The following GC variants were observed in gnomAD, a reference collection of about 807,000 sequenced individuals.
GC encodes the protein vitamin D-binding protein.
A neutral mutation model predicts 56.7 loss-of-function variants in GC; 43 were observed. That is an observed-to-expected ratio of 0.76 (90% confidence interval 0.59 to 0.98). The LOEUF is 0.98. Ranked by LOEUF, GC falls within the 50% of genes least tolerant of loss-of-function variation. The pLI, the probability that GC is intolerant of heterozygous loss-of-function variation, is 0.00. For synonymous variants in GC, 216 were observed against 202.7 expected (o/e 1.07, Z -0.56); for missense variants, 529 against 545.9 (o/e 0.97, Z 0.31).
At chr4:71,781,452 G>A (rs1018955666) in intron 1 of GC, among the ~76,000 whole-genome samples, 14 of 151,754 alleles carry the variant, frequency 9.2e-5, no homozygotes, top group African/African-American at 2.9e-4. Context: ...AATATTTTTA[G>A]TGCTCTGTTA....
intron 1 of GC, among the ~76,000 whole-genome samples, chr4:71,770,823 C>T (rs139587502): frequency 6.6e-6 from 1 of 152,286 alleles, no homozygotes; most frequent in East Asian, 1.9e-4. Flanking sequence ...TGTAACTAGC[C>T]ATTCTCATGA....
chr4:71,741,932 A>C, intron 12 of GC, 62 bp from the exon 13 acceptor site: 1 of 702,562 alleles, frequency 1.4e-6, no homozygotes, highest in Middle Eastern at 2.3e-4. Context: ...AACAACCATA[A>C]TATTGCTCAA....
At chr4:71,753,934 T>A (rs1303349505) in intron 10 of GC, among the ~76,000 whole-genome samples, 2 of 152,186 alleles carry the variant, frequency 1.3e-5, no homozygotes, top group Non-Finnish European at 2.9e-5. Context: ...CTCAAGTTCC[T>A]GCAGATAGAT....
At chr4:71,745,124 T>C (rs1446472344) in intron 12 of GC, among the ~76,000 whole-genome samples, 1 of 152,184 alleles carries the variant, frequency 6.6e-6, no homozygotes, top group Admixed American at 6.6e-5. Flanking sequence ...ATCACCTCAA[T>C]CATTGTAACA....
intron 1 of GC, among the ~76,000 whole-genome samples, chr4:71,783,210 A>T (rs1263031072): frequency 6.6e-6 from 1 of 151,776 alleles, no homozygotes; most frequent in Non-Finnish European, 1.5e-5. Flanking sequence ...ATAAATGCAG[A>T]TGTCCCTTGT....
rs948425200 is a variant in GC, at chr4:71,741,891, A to G, written c.*26-21T>C. The G allele has an allele frequency of 1.6e-5, 11 of 702,822 alleles. No homozygotes were observed. The African/African-American group carries it at 1.9e-4, about 12-fold the overall frequency. The allele number at this position is 702,822 out of a possible 1,614,324, so 43.5% of individuals were successfully genotyped here. A position where few individuals can be genotyped will look rare whatever the true frequency, so the allele number is the denominator to read the frequency against. On this transcript the variant is annotated intron_variant, in intron 12 of 12. Coordinates refer to ENST00000273951, the MANE Select transcript of GC (RefSeq NM_000583.4). The stretch of plus-strand genomic sequence containing the variant: ...CTGGTCTATGAGAATAATGAAATGA[A>G]TTTTATGTTAGAAAAACAGAGCTAA...
chr4:71,752,091 T>C (rs1741575117), intron 11 of GC, among the ~76,000 whole-genome samples: 2 of 152,118 alleles, frequency 1.3e-5, no homozygotes, highest in Admixed American at 6.5e-5. Context: ...TGTATGTATC[T>C]ACATAAACAC....
chr4:71,780,286 A>G (rs1254776591), intron 1 of GC, among the ~76,000 whole-genome samples: 1 of 152,158 alleles, frequency 6.6e-6, no homozygotes, highest in African/African-American at 2.4e-5. Flanking sequence ...AAACCCTAGA[A>G]GAAAACCTAG....
intron 1 of GC, among the ~76,000 whole-genome samples, chr4:71,774,180 A>G (rs1350958985): frequency 6.6e-6 from 1 of 152,090 alleles, no homozygotes; most frequent in Admixed American, 6.6e-5. Flanking sequence ...ACTAATCTAG[A>G]AGTTAACTGT....
At chr4:71,760,034 G>T (rs970899618) in intron 6 of GC, among the ~76,000 whole-genome samples, 22 of 141,742 alleles carry the variant, frequency 1.6e-4, no homozygotes, top group African/African-American at 5.1e-4. Context: ...TATATTTAAA[G>T]AAACTAGTTT....
intron 1 of GC, among the ~76,000 whole-genome samples, chr4:71,800,663 T>C (rs1046879966): frequency 6.6e-6 from 1 of 152,216 alleles, no homozygotes; most frequent in African/African-American, 2.4e-5. Context: ...TCACACTGTC[T>C]TCAATAGTGG....
chr4:71,777,503 C>T lies in GC; in HGVS notation c.58+6458G>A, dbSNP rs558418960. ...TCCAATTGCCACCAGGATATAATTC[C>T]TTAGATATATTTGCTAAGAAAACTT... On this transcript the variant is annotated intron_variant, in intron 1 of 12. Transcript: ENST00000273951. Among the ~76,000 whole-genome samples the T allele has an allele frequency of 5.7e-4, 86 of 150,100 alleles. 1 individual carries two copies. Among genetic ancestry groups the T allele is most frequent in the Middle Eastern group, 6.8e-3 (2 of 294 alleles).
chr4:71,774,408 A>C (rs746989870), intron 1 of GC, among the ~76,000 whole-genome samples: 6 of 152,098 alleles, frequency 3.9e-5, no homozygotes, highest in Non-Finnish European at 8.8e-5. Flanking sequence ...AAAGTTCCAG[A>C]GGAAGCATTT....
At position 71,765,437 on chromosome 4, in the gene GC, A is replaced by G. The variant is rs750812436; in HGVS notation, c.468T>C (p.Ala156=). Residue 156 remains alanine (A), a synonymous_variant, in exon 4 of 13, where the codon GCT becomes GCC. Transcript: ENST00000273951. The part of the protein sequence containing the change: ...EAFRKDPKEY[A]NQFMWEYSTN... ...TTTATGATGAAGGCACTCACTGATTAGCATATTCCTTTGGATCTTTCCTGA... is the reference window on the plus strand; with the variant it reads ...TTTATGATGAAGGCACTCACTGATTGGCATATTCCTTTGGATCTTTCCTGA... The G allele has an allele frequency of 6.2e-7, 1 of 1,612,014 alleles. No homozygotes were observed. The highest frequency in any genetic ancestry group is 8.5e-7 in the Non-Finnish European group (1 of 1,178,394).
At chr4:71,770,655 C>A (rs1396293235) in intron 1 of GC, among the ~76,000 whole-genome samples, 1 of 152,006 alleles carries the variant, frequency 6.6e-6, no homozygotes, top group East Asian at 1.9e-4. Context: ...TAGAAGCAGC[C>A]TAGAGCGTAG....
intron 1 of GC, among the ~76,000 whole-genome samples, chr4:71,797,736 A>C (rs755478386): frequency 9.2e-5 from 14 of 152,302 alleles, no homozygotes; most frequent in Non-Finnish European, 1.9e-4. Flanking sequence ...GTGCAGAAAT[A>C]ACCTGTCTTC....
At chr4:71,804,190 T>G, upstream of GC, 1 of 551,644 alleles carries the variant, frequency 1.8e-6, no homozygotes, top group Admixed American at 3.2e-5. Flanking sequence ...TAAAAGCAGC[T>G]AGGAGATTGG....
intron 12 of GC, among the ~76,000 whole-genome samples, 176 bp from the exon 13 acceptor site, chr4:71,742,046 GA>G (rs944734236): frequency 1.3e-5 from 2 of 151,990 alleles, no homozygotes; most frequent in African/African-American, 4.8e-5. Context: ...TCCAGAATAA[GA>G]AAAAAATGTT....
chr4:71,791,278 G>T (rs1742961872), intron 1 of GC, among the ~76,000 whole-genome samples: 1 of 151,890 alleles, frequency 6.6e-6, no homozygotes, highest in Non-Finnish European at 1.5e-5. Flanking sequence ...TTGCTTAAAA[G>T]TTTTTTTGCA....
Sources: allele counts gnomAD v4.1 joint callset (sites outside exome capture counted in the v4.1 genomes callset), GRCh38; gene constraint gnomAD v4.1.1; transcripts MANE v1.5; gene names NCBI Gene and HGNC (gene_info 2026-07-23, HGNC 2026-07-21).